Variants in OSBPL8 observed in about 807,000 individuals in gnomAD.
OSBPL8 encodes the protein oxysterol binding protein like 8.
In OSBPL8, 59 loss-of-function variants were observed where a neutral mutation model predicts 125.5. The ratio of observed to expected loss-of-function variants is 0.47; its 90% CI spans 0.38 to 0.58. OSBPL8 has a LOEUF of 0.58. OSBPL8 is among the 20% of genes least tolerant of loss of function. The pLI is 0.00. For synonymous variants in OSBPL8, 330 were observed against 338.9 expected, an observed-to-expected ratio of 0.97 and a Z score of 0.29; for missense variants, 758 against 1,047.8, an observed-to-expected ratio of 0.72 and a Z score of 3.82.
intron 9 of OSBPL8, among the ~76,000 whole-genome samples, chr12:76,393,025 C>T (rs1306552299): frequency 6.6e-6 from 1 of 152,138 alleles, no homozygotes; most frequent in Non-Finnish European, 1.5e-5. Flanking sequence ...AATCTTAGAA[C>T]ATTAACATGC....
intron 1 of OSBPL8, among the ~76,000 whole-genome samples, chr12:76,525,461 T>C (rs1261326383): frequency 6.6e-6 from 1 of 152,192 alleles, no homozygotes; most frequent in East Asian, 1.9e-4. Context: ...ATTACTGGTG[T>C]GTGACACAGA....
At chr12:76,474,092 C>T (rs563890450) in intron 2 of OSBPL8, among the ~76,000 whole-genome samples, 4 of 152,270 alleles carry the variant, frequency 2.6e-5, no homozygotes, top group African/African-American at 7.2e-5. Flanking sequence ...ACAGTATAGG[C>T]ATGAACCTAG....
intron 6 of OSBPL8, among the ~76,000 whole-genome samples, chr12:76,400,991 G>T (rs1377454687): frequency 6.6e-6 from 1 of 151,860 alleles, no homozygotes; most frequent in Non-Finnish European, 1.5e-5. Context: ...GTTTCACTAT[G>T]TTGGCCAGAA....
intron 1 of OSBPL8, among the ~76,000 whole-genome samples, chr12:76,492,349 G>A (rs146750676): frequency 2.0e-5 from 3 of 152,250 alleles, no homozygotes; most frequent in East Asian, 1.9e-4. Flanking sequence ...ATATGTGAAC[G>A]AAGGGAAAAG....
intron 1 of OSBPL8, among the ~76,000 whole-genome samples, chr12:76,531,293 GTTAC>G (rs1950332718): frequency 6.6e-6 from 1 of 152,160 alleles, no homozygotes; most frequent in African/African-American, 2.4e-5. Flanking sequence ...AACAAGTTGT[GTTAC>G]TTAAGTGACA....
At chr12:76,364,216 C>T (rs1289975461) in intron 21 of OSBPL8, among the ~76,000 whole-genome samples, 1 of 152,156 alleles carries the variant, frequency 6.6e-6, no homozygotes, top group Non-Finnish European at 1.5e-5. Flanking sequence ...TTTATTTTGG[C>T]ACTATTCACA....
At chr12:76,367,250 G>GTGTGTA (rs1555206651) in intron 21 of OSBPL8, among the ~76,000 whole-genome samples, 3 of 151,938 alleles carry the variant, frequency 2.0e-5, no homozygotes, top group Non-Finnish European at 4.4e-5. Flanking sequence ...GTGTGTGTGT[G>GTGTGTA]TGTGTGTATG....
intron 2 of OSBPL8, among the ~76,000 whole-genome samples, chr12:76,483,880 G>T (rs1877841983): frequency 6.6e-6 from 1 of 151,656 alleles, no homozygotes; most frequent in Non-Finnish European, 1.5e-5. Flanking sequence ...TCACCATGTT[G>T]GCCAGGCTGG....
rs141533875 is a variant in OSBPL8, at chr12:76,482,903, A to G, written c.42+4607T>C. Among the ~76,000 whole-genome samples, 54 of 152,360 alleles carry G rather than the reference A, an allele frequency of 3.5e-4. No homozygotes were observed. In the East Asian group the frequency reaches 7.5e-3, roughly 21 times the overall value. ...TTAGTACCTGCCATCTAAGACAAACAGCACTACCAGAAAAATAGAACCATA... is the reference window on the plus strand; with the variant it reads ...TTAGTACCTGCCATCTAAGACAAACGGCACTACCAGAAAAATAGAACCATA... On this transcript the variant is annotated intron_variant, in intron 2 of 23. Coordinates refer to ENST00000261183, the MANE Select transcript of OSBPL8 (RefSeq NM_020841.5).
intron 1 of OSBPL8, among the ~76,000 whole-genome samples, chr12:76,551,778 G>A (rs374262315): frequency 1.6e-4 from 24 of 152,250 alleles, no homozygotes; most frequent in African/African-American, 5.1e-4. Context: ...CTGCTGGTAC[G>A]GATATTATTA....
At chr12:76,454,787 T>C (rs999713557) in intron 3 of OSBPL8, among the ~76,000 whole-genome samples, 2 of 147,490 alleles carry the variant, frequency 1.4e-5, no homozygotes, top group Non-Finnish European at 3.0e-5. Flanking sequence ...ATATAAACCA[T>C]GACACCATTC....
chr12:76,506,569 ATATC>A (rs1396411774), intron 1 of OSBPL8, among the ~76,000 whole-genome samples: 1 of 152,214 alleles, frequency 6.6e-6, no homozygotes, highest in Non-Finnish European at 1.5e-5. Flanking sequence ...ATTACTCTAT[ATATC>A]TATGTAAAAA....
intron 4 of OSBPL8, among the ~76,000 whole-genome samples, chr12:76,435,449 CAGTATGAATAAGT>C (rs1207088424): frequency 6.6e-6 from 1 of 151,918 alleles, no homozygotes; most frequent in African/African-American, 2.4e-5. Flanking sequence ...TTCAGATATG[CAGTATGAATAAGT>C]TCTGGGGATC....
intron 4 of OSBPL8, among the ~76,000 whole-genome samples, chr12:76,449,050 TTACTATTTACAAGGTAG>T (rs1264404353): frequency 6.6e-6 from 1 of 152,116 alleles, no homozygotes; most frequent in Non-Finnish European, 1.5e-5. Flanking sequence ...ATCATGTAAC[TTACTATTTACAAGGTAG>T]TACTCATTTG....
chr12:76,542,558 A>G (rs1000052227), intron 1 of OSBPL8, among the ~76,000 whole-genome samples: 20 of 152,214 alleles, frequency 1.3e-4, no homozygotes, highest in African/African-American at 4.8e-4. Context: ...GTGGAGTCCA[A>G]TAATCTGCAT....
At position 76,397,749 on chromosome 12, in the gene OSBPL8, T is replaced by C; in HGVS notation, c.617A>G (p.Asp206Gly). ...ATGGAAAAGTTTGAAACAAAAGCCA[T>C]CCTTTTTTGATGGACGTTCAATGAT... ...CEIIERPSKKDGFCFKLFHPL... is the reference protein window; with the variant it reads ...CEIIERPSKKGGFCFKLFHPL... Residue 206 changes from aspartate (D) to glycine (G), a missense_variant, in exon 8 of 24, where the codon GAT (aspartate) becomes GGT (glycine). Asp to Gly is a moderately conservative substitution (Grantham distance 94, BLOSUM62 -1). This residue lies in a region of OSBPL8 where 69 missense variants were observed against 148.7 expected (regional missense o/e 0.46). Transcript: ENST00000261183. 1.2e-6 allele frequency: 2 copies of C among 1,614,086 alleles called. No individual in the cohort carries two copies. The highest frequency in any genetic ancestry group is 1.7e-6 in the Non-Finnish European group (2 of 1,179,986).
chr12:76,382,263 T>G (rs576497486), intron 15 of OSBPL8, among the ~76,000 whole-genome samples: 1 of 152,370 alleles, frequency 6.6e-6, no homozygotes, highest in African/African-American at 2.4e-5. Context: ...TTATACATTA[T>G]TTAAATTATT....
At chr12:76,386,495 G>A in intron 13 of OSBPL8, 84 bp downstream of exon 13, 1 of 1,362,578 alleles carries the variant, frequency 7.3e-7, no homozygotes, top group Non-Finnish European at 1.0e-6. Flanking sequence ...TAATGTAACT[G>A]TTAACACACA....
chr12:76,556,147 G>A (rs1278923381), intron 1 of OSBPL8, among the ~76,000 whole-genome samples: 1 of 152,166 alleles, frequency 6.6e-6, no homozygotes, highest in African/African-American at 2.4e-5. Context: ...TTGTTCTCCA[G>A]TCATATATCT....
Sources: gnomAD v4.1 joint callset for allele counts (sites outside exome capture counted in the v4.1 genomes callset) on GRCh38, gnomAD v4.1.1 for gene constraint, gnomAD v4.1.1 regional missense constraint, MANE v1.5 for transcripts, NCBI Gene and HGNC (gene_info 2026-07-23, HGNC 2026-07-21) for gene names.